The following DNM3 variants were observed in gnomAD, a reference collection of about 807,000 sequenced individuals.
DNM3 encodes dynamin 3.
A neutral mutation model predicts 101.6 loss-of-function variants in DNM3; 47 were observed. The ratio of observed to expected loss-of-function variants is 0.46; its 90% CI spans 0.37 to 0.59. DNM3 has a LOEUF of 0.59. DNM3 is among the 20% of genes least tolerant of loss of function. DNM3 has a pLI of 0.00. For synonymous variants in DNM3, 385 were observed against 387.9 expected (o/e 0.99, Z 0.09); for missense variants, 849 against 1,085.7 (o/e 0.78, Z 3.06).
chr1:172,195,877 T>G (rs528066412), intron 14 of DNM3, among the ~76,000 whole-genome samples: 1 of 151,904 alleles, frequency 6.6e-6, no homozygotes, highest in Admixed American at 6.6e-5. Flanking sequence ...TTTTTTTAGT[T>G]TTCCTTTTTT....
chr1:172,274,484 G>A (rs1325404090), intron 15 of DNM3, among the ~76,000 whole-genome samples: 1 of 152,150 alleles, frequency 6.6e-6, no homozygotes, highest in South Asian at 2.1e-4. Context: ...AAATGAGAGA[G>A]CCACTTTTCT....
At chr1:172,300,321 C>A (rs577281899) in intron 15 of DNM3, among the ~76,000 whole-genome samples, 25 of 152,132 alleles carry the variant, frequency 1.6e-4, no homozygotes, top group African/African-American at 6.0e-4. Context: ...TAAATATTTT[C>A]TCCCGTTCTG....
At chr1:172,009,598 A>G (rs553456178) in intron 4 of DNM3, among the ~76,000 whole-genome samples, 1 of 152,020 alleles carries the variant, frequency 6.6e-6, no homozygotes, top group East Asian at 1.9e-4. Context: ...ATGTCTTGGA[A>G]AAGTCAATAC....
chr1:171,942,389 T>C (rs150587554), intron 2 of DNM3, among the ~76,000 whole-genome samples: 1 of 152,168 alleles, frequency 6.6e-6, no homozygotes, highest in Non-Finnish European at 1.5e-5. Flanking sequence ...CAAACTTTTA[T>C]GTAAGGAAAT....
At chr1:172,390,086 G>T (rs894067768) in intron 20 of DNM3, among the ~76,000 whole-genome samples, 3 of 152,074 alleles carry the variant, frequency 2.0e-5, no homozygotes, top group Admixed American at 1.3e-4. Flanking sequence ...TTATCATTTT[G>T]GTCCTAAGCA....
In DNM3 at chr1:171,841,866, C is replaced by T. The variant is rs150137219; in HGVS notation, c.161+49C>T. 9.6e-4 allele frequency: 1,506 copies of T among 1,567,472 alleles called. 16 individuals carry two copies. In the African/African-American group the frequency reaches 0.017, roughly 18 times the overall value. On this transcript the variant is annotated intron_variant, in intron 1 of 20. Transcript: ENST00000627582. ...AGGATGCGGCAGTGGGGCGACCCCGCTGCGGGCCGTTGGAACGTGGACGGG... is the reference window on the plus strand; with the variant it reads ...AGGATGCGGCAGTGGGGCGACCCCGTTGCGGGCCGTTGGAACGTGGACGGG...
intron 10 of DNM3, among the ~76,000 whole-genome samples, chr1:172,056,260 T>TG (rs1476732244): frequency 1.3e-5 from 2 of 152,134 alleles, no homozygotes; most frequent in African/African-American, 4.8e-5. Context: ...GCAGCGAGGC[T>TG]GGGGGAGGGG....
intron 1 of DNM3, among the ~76,000 whole-genome samples, chr1:171,842,122 C>G (rs546533025): frequency 6.6e-6 from 1 of 152,124 alleles, no homozygotes; most frequent in Non-Finnish European, 1.5e-5. Flanking sequence ...GGGTCCGCCC[C>G]GGGCTCGACC....
chr1:172,405,706 C>T (rs551294543), intron 20 of DNM3, among the ~76,000 whole-genome samples: 2 of 152,114 alleles, frequency 1.3e-5, no homozygotes, highest in South Asian at 4.1e-4. Context: ...CCAGTTCTCT[C>T]CTCCCACCAG....
At chr1:172,385,574 A>G (rs1176060592) in intron 18 of DNM3, among the ~76,000 whole-genome samples, 3 of 152,254 alleles carry the variant, frequency 2.0e-5, no homozygotes, top group African/African-American at 4.8e-5. Flanking sequence ...TTTCACCACA[A>G]TAAACCTTTG....
rs1573798902 is a variant in DNM3 at position 172,412,585 on chromosome 1, T to TA, written c.*4745dup. The TA allele has an allele frequency of 3.0e-6, 3 of 985,858 alleles. No individual in the cohort carries two copies. Among genetic ancestry groups the TA allele is most frequent in the Non-Finnish European group, 3.6e-6 (3 of 829,912 alleles). The allele number at this position is 985,858 out of a possible 1,614,324, so 61.1% of individuals were successfully genotyped here. A position where few individuals can be genotyped will look rare whatever the true frequency, so the allele number is the denominator to read the frequency against. On this transcript the variant is annotated 3_prime_UTR_variant, in exon 21 of 21. Transcript: ENST00000627582. The stretch of plus-strand genomic sequence containing the variant: ...CACTTTCAGGATTTCTTAATGCTGA[T>TA]ATATGGACTCTTAGAATGGAATTTT...
intron 16 of DNM3, among the ~76,000 whole-genome samples, chr1:172,317,472 C>G (rs1557985330): frequency 6.6e-6 from 1 of 151,934 alleles, no homozygotes; most frequent in South Asian, 2.1e-4. Flanking sequence ...AAAGGATCAA[C>G]AAAATTGATA....
chr1:172,410,159 A>G lies in DNM3; in HGVS notation c.*2318A>G, dbSNP rs184153050. 146 of 985,336 alleles carry G rather than the reference A, an allele frequency of 1.5e-4. No individual in the cohort carries two copies. The African/African-American group carries it at 2.4e-3, about 16-fold the overall frequency. 61.0% of individuals were successfully genotyped at this position (985,336 alleles called of 1,614,324 possible). Reference sequence around the variant, plus strand: ...AGCAGTGACATTGGAGAATATTTTTAATTTGCTGCAGTACTATGTCATATT... The same window carrying G: ...AGCAGTGACATTGGAGAATATTTTTGATTTGCTGCAGTACTATGTCATATT... On this transcript the variant is annotated 3_prime_UTR_variant, in exon 21 of 21. Coordinates refer to ENST00000627582, the MANE Select transcript of DNM3 (RefSeq NM_015569.5).
chr1:172,227,304 A>G (rs186849077), intron 14 of DNM3, among the ~76,000 whole-genome samples: 22 of 131,546 alleles, frequency 1.7e-4, no homozygotes, highest in African/African-American at 5.8e-4. Flanking sequence ...ATATATATAT[A>G]TCACATTTTC....
intron 1 of DNM3, among the ~76,000 whole-genome samples, chr1:171,863,866 G>C (rs183688167): frequency 1.1e-3 from 173 of 152,304 alleles, no homozygotes; most frequent in African/African-American, 3.9e-3. Context: ...CAGGTAGAAG[G>C]TATTTACTAA....
At position 172,409,678 on chromosome 1, in the gene DNM3, A is replaced by G; in HGVS notation, c.*1837A>G. 1.0e-6 allele frequency: 1 copy of G among 985,668 alleles called. No individual in the cohort carries two copies. The highest frequency in any genetic ancestry group is 1.2e-6 in the Non-Finnish European group (1 of 829,750). 61.1% of individuals were successfully genotyped at this position (985,668 alleles called of 1,614,324 possible). A position where few individuals can be genotyped will look rare whatever the true frequency, so the allele number is the denominator to read the frequency against. On this transcript the variant is annotated 3_prime_UTR_variant, in exon 21 of 21. Coordinates refer to ENST00000627582, the MANE Select transcript of DNM3 (RefSeq NM_015569.5). ...AAAATAGTGTCTCAGCTAAATGGAA[A>G]ACTGTTAAGCAAACATCCATAGTAA...
At chr1:172,142,735 G>T (rs2057651592) in intron 14 of DNM3, among the ~76,000 whole-genome samples, 1 of 135,212 alleles carries the variant, frequency 7.4e-6, no homozygotes, top group African/African-American at 2.8e-5. Flanking sequence ...CATTTCTAGA[G>T]TAAAAAAAAA....
At chr1:172,227,326 G>A (rs1316455259) in intron 14 of DNM3, among the ~76,000 whole-genome samples, 6 of 109,822 alleles carry the variant, frequency 5.5e-5, no homozygotes, top group African/African-American at 1.1e-4. Flanking sequence ...TTATCCACTC[G>A]TCAGATGATG....
At chr1:172,306,667 G>T (rs1321061560) in intron 15 of DNM3, among the ~76,000 whole-genome samples, 1 of 152,140 alleles carries the variant, frequency 6.6e-6, no homozygotes. Context: ...GCATGGTACT[G>T]GTACCAAAAC....
Sources: allele counts gnomAD v4.1 joint callset (sites outside exome capture counted in the v4.1 genomes callset), GRCh38; gene constraint gnomAD v4.1.1; transcripts MANE v1.5; gene names NCBI Gene and HGNC (gene_info 2026-07-23, HGNC 2026-07-21).